Variants in RPTOR observed in about 807,000 individuals in gnomAD.
The protein encoded by RPTOR is regulatory-associated protein of mTOR.
Under a neutral mutation model 169.9 loss-of-function variants are expected in RPTOR, and 21 were observed. The ratio of observed to expected loss-of-function variants is 0.12; its 90% confidence interval spans 0.09 to 0.18. The LOEUF (loss-of-function observed/expected upper bound fraction) is 0.18. Ranked by LOEUF, RPTOR falls within the 10% of genes least tolerant of loss-of-function variation. RPTOR has a pLI of 1.00. For synonymous variants in RPTOR, 732 were observed against 753.2 expected (o/e 0.97, Z 0.46); for missense variants, 1,133 against 1,855.9 (o/e 0.61, Z 7.16).
At chr17:80,909,177 A>G (rs2068582056) in intron 21 of RPTOR, among the ~76,000 whole-genome samples, 2 of 152,142 alleles carry the variant, frequency 1.3e-5, no homozygotes, top group South Asian at 4.2e-4. Flanking sequence ...GACTGACATT[A>G]TCTTTCAGGA....
intron 7 of RPTOR, among the ~76,000 whole-genome samples, chr17:80,797,996 A>G (rs780225021): frequency 2.6e-5 from 4 of 152,224 alleles, no homozygotes; most frequent in Non-Finnish European, 5.9e-5. Context: ...CCTGTGTTCC[A>G]GGCAGCCAAG....
intron 3 of RPTOR, among the ~76,000 whole-genome samples, chr17:80,667,091 C>T (rs1290293497): frequency 2.0e-5 from 3 of 152,178 alleles, no homozygotes; most frequent in African/African-American, 7.2e-5. Flanking sequence ...CCCGTCTCCA[C>T]GTCCCTTTCC....
intron 1 of RPTOR, among the ~76,000 whole-genome samples, chr17:80,610,942 C>G (rs2065266060): frequency 6.6e-6 from 1 of 152,150 alleles, no homozygotes; most frequent in Non-Finnish European, 1.5e-5. Flanking sequence ...TATGTGCAGT[C>G]TGTTTAATAT....
intron 29 of RPTOR, among the ~76,000 whole-genome samples, chr17:80,958,974 G>A (rs919237605): frequency 6.6e-6 from 1 of 152,236 alleles, no homozygotes; most frequent in South Asian, 2.1e-4. Flanking sequence ...GCCATACCCA[G>A]CCTCTCTCCC....
At chr17:80,759,510 C>T (rs541572374) in intron 6 of RPTOR, among the ~76,000 whole-genome samples, 2 of 152,060 alleles carry the variant, frequency 1.3e-5, no homozygotes, top group Non-Finnish European at 2.9e-5. Flanking sequence ...TCTCAGGTGG[C>T]GGCTCTTTTA....
At chr17:80,588,110 T>C (rs1380615186) in intron 1 of RPTOR, among the ~76,000 whole-genome samples, 1 of 152,186 alleles carries the variant, frequency 6.6e-6, no homozygotes, top group African/African-American at 2.4e-5. Flanking sequence ...CCTTCTTTTT[T>C]TTAATGGCTG....
Position 80,743,317 on chromosome 17 carries a change from C to G in RPTOR, c.655-10693C>G. The G allele has an allele frequency of 8.1e-6, 8 of 985,468 alleles. 1 individual carries two copies. The allele number at this position is 985,468 out of a possible 1,614,324, so 61.0% of individuals were successfully genotyped here. ...GGCACCCATCTGGCAGGGGGCAGGGCGCTCTTGCAGGTTCCGCCGTGCAGA... is the reference window on the plus strand; with the variant it reads ...GGCACCCATCTGGCAGGGGGCAGGGGGCTCTTGCAGGTTCCGCCGTGCAGA... On this transcript the variant is annotated intron_variant, in intron 5 of 33. Coordinates refer to ENST00000306801, the MANE Select transcript of RPTOR (RefSeq NM_020761.3).
At chr17:80,883,610 C>A in intron 15 of RPTOR, 126 bp downstream of exon 15, 3 of 1,205,350 alleles carry the variant, frequency 2.5e-6, no homozygotes, top group South Asian at 1.3e-5. Flanking sequence ...GACCCTTCAT[C>A]TAGCCAGCCA....
At chr17:80,569,478 T>G (rs2064880036) in intron 1 of RPTOR, among the ~76,000 whole-genome samples, 1 of 152,082 alleles carries the variant, frequency 6.6e-6, no homozygotes, top group African/African-American at 2.4e-5. Flanking sequence ...TGAGCCGAGG[T>G]TGTGCCATTG....
intron 3 of RPTOR, among the ~76,000 whole-genome samples, chr17:80,696,734 CG>C (rs2066040249): frequency 6.6e-6 from 1 of 152,180 alleles, no homozygotes; most frequent in South Asian, 2.1e-4. Flanking sequence ...GGCGGGAGCA[CG>C]TGAGTGAGCG....
chr17:80,610,378 A>G (rs912035889), intron 1 of RPTOR, among the ~76,000 whole-genome samples: 3 of 152,192 alleles, frequency 2.0e-5, no homozygotes, highest in Admixed American at 6.5e-5. Flanking sequence ...ATGGTTGTCA[A>G]TTACTGTAGC....
intron 1 of RPTOR, among the ~76,000 whole-genome samples, chr17:80,551,714 C>T (rs1222207996): frequency 3.9e-5 from 6 of 152,112 alleles, no homozygotes; most frequent in Non-Finnish European, 8.8e-5. Context: ...CTGCAAGAGG[C>T]ATGCCTTCCT....
At chr17:80,832,244 C>T (rs1488907695) in intron 9 of RPTOR, among the ~76,000 whole-genome samples, 1 of 152,222 alleles carries the variant, frequency 6.6e-6, no homozygotes, top group East Asian at 1.9e-4. Context: ...GCATAGGCAG[C>T]ATAGGCTGCC....
chr17:80,925,489 G>T lies in RPTOR; in HGVS notation c.2919+9G>T, dbSNP rs758800999. On this transcript the variant is annotated intron_variant, in intron 24 of 33. Transcript: ENST00000306801. ...CCCAGCCCGTCATGAAGGTGCGCCC[G>T]GGGTGTGGGGTTCAGAGTAGAGTCC... 1.9e-6 allele frequency: 3 copies of T among 1,605,524 alleles called. No homozygotes were observed. Among genetic ancestry groups the T allele is most frequent in the Non-Finnish European group, 2.6e-6 (3 of 1,173,108 alleles).
intron 3 of RPTOR, among the ~76,000 whole-genome samples, chr17:80,657,078 C>G (rs961341890): frequency 1.3e-5 from 2 of 152,166 alleles, no homozygotes; most frequent in South Asian, 2.1e-4. Flanking sequence ...CAGCCCTGTT[C>G]TTGCTTGTTT....
intron 1 of RPTOR, among the ~76,000 whole-genome samples, chr17:80,579,392 A>G (rs1270762863): frequency 6.6e-6 from 1 of 152,032 alleles, no homozygotes; most frequent in South Asian, 2.1e-4. Context: ...GGGTTTCTCC[A>G]TGTTGGTCAG....
At chr17:80,628,873 ATTG>A (rs1337529724) in intron 2 of RPTOR, among the ~76,000 whole-genome samples, 13 of 152,138 alleles carry the variant, frequency 8.5e-5, no homozygotes, top group Non-Finnish European at 1.9e-4. Flanking sequence ...TCAAATATTT[ATTG>A]TTTGTTTTCT....
At chr17:80,876,262 G>C (rs1187064524) in intron 13 of RPTOR, among the ~76,000 whole-genome samples, 1 of 53,880 alleles carries the variant, frequency 1.9e-5, no homozygotes, top group African/African-American at 1.1e-4. Context: ...CACCGAGCCC[G>C]TGCCACGCAG....
At chr17:80,855,021 A>G (rs1257568314) in intron 11 of RPTOR, among the ~76,000 whole-genome samples, 3 of 152,256 alleles carry the variant, frequency 2.0e-5, no homozygotes, top group Non-Finnish European at 4.4e-5. Flanking sequence ...GCCTTTGGGA[A>G]TAATATGGTC....
Sources: allele counts gnomAD v4.1 joint callset (sites outside exome capture counted in the v4.1 genomes callset), GRCh38; gene constraint gnomAD v4.1.1; transcripts MANE v1.5; gene names NCBI Gene and HGNC (gene_info 2026-07-23, HGNC 2026-07-21).